The following FAM222B variants were observed in gnomAD, a reference collection of about 807,000 sequenced individuals.
FAM222B encodes protein FAM222B.
Under a neutral mutation model 38.0 loss-of-function variants are expected in FAM222B, and 12 were observed. The observed-to-expected ratio is 0.32, with a 90% confidence interval of 0.20 to 0.51. The LOEUF (loss-of-function observed/expected upper bound fraction) is 0.51, where lower values mean the gene tolerates loss of function less well. Among genes scored for constraint, FAM222B ranks in the 20% least tolerant of loss-of-function variants. The pLI is 0.97. For synonymous variants in FAM222B, 329 were observed against 317.2 expected, an observed-to-expected ratio of 1.04 and a Z score of -0.40; for missense variants, 716 against 754.2, an observed-to-expected ratio of 0.95 and a Z score of 0.59.
At chr17:28,778,719 A>T (rs369845219) in intron 1 of FAM222B, among the ~76,000 whole-genome samples, 310 of 25,514 alleles carry the variant, frequency 0.012, 9 homozygotes, top group Non-Finnish European at 0.013. Context: ...ATATATATAT[A>T]TTTTTTTTTT....
upstream of FAM222B, among the ~76,000 whole-genome samples, chr17:28,847,488 G>T (rs910486664): frequency 6.6e-6 from 1 of 151,936 alleles, no homozygotes; most frequent in African/African-American, 2.4e-5. Flanking sequence ...CACCTACTCC[G>T]GAGGCTAAGG....
At chr17:28,789,095 A>G (rs1244889979) in intron 1 of FAM222B, among the ~76,000 whole-genome samples, 1 of 151,184 alleles carries the variant, frequency 6.6e-6, no homozygotes, top group Non-Finnish European at 1.5e-5. Context: ...AAAAAAAAAA[A>G]AAAAAAAACT....
At chr17:28,804,401 C>T (rs1330869449) in intron 1 of FAM222B, among the ~76,000 whole-genome samples, 2 of 152,016 alleles carry the variant, frequency 1.3e-5, no homozygotes, top group African/African-American at 4.8e-5. Flanking sequence ...GTGGCGCGAT[C>T]TCGGCTCACC....
At chr17:28,802,167 G>A (rs1597965874) in intron 1 of FAM222B, among the ~76,000 whole-genome samples, 5 of 151,666 alleles carry the variant, frequency 3.3e-5, no homozygotes, top group Middle Eastern at 6.8e-3. Context: ...GTGCGATCTC[G>A]GCTTACTGCA....
intron 1 of FAM222B, among the ~76,000 whole-genome samples, chr17:28,820,115 A>G (rs2038158694): frequency 6.6e-6 from 1 of 152,230 alleles, no homozygotes; most frequent in Non-Finnish European, 1.5e-5. Flanking sequence ...ACTAAAAACA[A>G]TATATACGAT....
Position 28,801,466 on chromosome 17 carries a change from A to G in FAM222B, c.-40-34759T>C, listed in dbSNP as rs928646586. Reference sequence around the variant, plus strand: ...GACTCCGTCTCAAAAAAAAAAAAAAAAAAAGAAAAGAAAAAGTTCTGGGAG... The same window carrying G: ...GACTCCGTCTCAAAAAAAAAAAAAAGAAAAGAAAAGAAAAAGTTCTGGGAG... On this transcript the variant is annotated intron_variant, in intron 1 of 2. Transcript: ENST00000581407. Among the ~76,000 whole-genome samples, 200 of 151,770 alleles carry G rather than the reference A, an allele frequency of 1.3e-3. 1 individual carries two copies. Among genetic ancestry groups the G allele is most frequent in the African/African-American group, 4.3e-3 (178 of 41,450 alleles).
chr17:28,839,217 AATAATG>A (rs1372640810), intron 1 of FAM222B, among the ~76,000 whole-genome samples: 4 of 152,104 alleles, frequency 2.6e-5, no homozygotes, highest in Non-Finnish European at 4.4e-5. Flanking sequence ...AAAAAATAAT[AATAATG>A]ATAATAATAA....
chr17:28,764,915 C>T (rs996901872), intron 2 of FAM222B, among the ~76,000 whole-genome samples: 8 of 152,268 alleles, frequency 5.3e-5, no homozygotes, highest in African/African-American at 1.7e-4. Flanking sequence ...TGTCATCTTA[C>T]TGCATGCCTC....
At chr17:28,853,768 G>A (rs1394699152) in intron 1 of FAM222B, among the ~76,000 whole-genome samples, 1 of 151,866 alleles carries the variant, frequency 6.6e-6, no homozygotes, top group Non-Finnish European at 1.5e-5. Context: ...GCATGTGCCT[G>A]TAGTCCTAGC....
At chr17:28,764,567 G>GC (rs2035240942) in intron 2 of FAM222B, among the ~76,000 whole-genome samples, 1 of 151,998 alleles carries the variant, frequency 6.6e-6, no homozygotes. Context: ...TGACCAACAT[G>GC]AAGAAACCCT....
At chr17:28,825,807 G>A (rs1037170799) in intron 1 of FAM222B, among the ~76,000 whole-genome samples, 4 of 152,118 alleles carry the variant, frequency 2.6e-5, no homozygotes, top group South Asian at 2.1e-4. Context: ...ATGGAGTCTC[G>A]CTCTGTCTCG....
upstream of FAM222B, among the ~76,000 whole-genome samples, chr17:28,844,976 A>C (rs2152635244): frequency 6.7e-6 from 1 of 149,566 alleles, no homozygotes; most frequent in East Asian, 2.0e-4. Context: ...GGTGGCATGC[A>C]CCTGTAGTCC....
At chr17:28,845,056 C>G (rs573243303), upstream of FAM222B, among the ~76,000 whole-genome samples, 3 of 151,404 alleles carry the variant, frequency 2.0e-5, no homozygotes, top group African/African-American at 4.9e-5. Flanking sequence ...GAGCCGAGAT[C>G]GCACCACTGC....
At position 28,758,872 on chromosome 17, in the gene FAM222B, C is replaced by T. The variant is rs1430823257; in HGVS notation, c.1087G>A (p.Val363Ile). The change falls in exon 3 of 3, where the codon GTC becomes ATC. Residue 363 changes from valine (V) to isoleucine (I), a missense_variant. By Grantham distance (29) the Val-to-Ile change is conservative (BLOSUM62 3). Coordinates refer to ENST00000581407, the MANE Select transcript of FAM222B (RefSeq NM_001077498.3). ...PTGYPSDLKP[V>I]TWNQHQLAHL... ...GCCAGCTGGTGCTGGTTCCAGGTGA[C>T]TGGCTTGAGGTCGCTAGGGTAGCCA... The T allele has an allele frequency of 1.9e-6, 3 of 1,607,304 alleles. No individual in the cohort carries two copies. The highest frequency in any genetic ancestry group is 2.5e-6 in the Non-Finnish European group (3 of 1,177,514).
rs61492022 is a variant in FAM222B at position 28,802,007 on chromosome 17, C to CA, written c.-40-35301dup. Among the ~76,000 whole-genome samples the CA allele has an allele frequency of 3.3e-3, 365 of 109,232 alleles. 2 individuals carry two copies. Among genetic ancestry groups the CA allele is most frequent in the African/African-American group, 7.1e-3 (202 of 28,412 alleles). The allele number at this position is 109,232 out of a possible 152,430, so 71.7% of individuals were successfully genotyped here. A position where few individuals can be genotyped will look rare whatever the true frequency, so the allele number is the denominator to read the frequency against. ...ATCCTCAAAAACACTTTGCTGAATG[C>CA]AAAAAAAAAAAAAGAAAAAAAGAAA... On this transcript the variant is annotated intron_variant, in intron 1 of 2. Transcript: ENST00000581407.
intron 1 of FAM222B, among the ~76,000 whole-genome samples, chr17:28,807,364 G>A (rs2037542255): frequency 1.3e-5 from 2 of 151,584 alleles, no homozygotes; most frequent in African/African-American, 2.4e-5. Flanking sequence ...AGAAACGCTT[G>A]TTTTTGTGTG....
chr17:28,829,781 A>G (rs1470290944), intron 1 of FAM222B, among the ~76,000 whole-genome samples: 2 of 152,136 alleles, frequency 1.3e-5, no homozygotes, highest in African/African-American at 4.8e-5. Flanking sequence ...GTAAACAGTC[A>G]CATACAAGTT....
intron 1 of FAM222B, among the ~76,000 whole-genome samples, chr17:28,791,989 T>G (rs929157434): frequency 1.3e-5 from 2 of 150,634 alleles, no homozygotes; most frequent in Admixed American, 6.6e-5. Flanking sequence ...CCACCCTGGA[T>G]AGCAAAGTGA....
At chr17:28,833,412 T>A (rs1567900640) in intron 1 of FAM222B, among the ~76,000 whole-genome samples, 1 of 150,940 alleles carries the variant, frequency 6.6e-6, no homozygotes, top group Non-Finnish European at 1.5e-5. Flanking sequence ...AGGTCAGGAG[T>A]TCGAGACTAC....
Sources: allele counts gnomAD v4.1 joint callset (sites outside exome capture counted in the v4.1 genomes callset), GRCh38; gene constraint gnomAD v4.1.1; transcripts MANE v1.5; gene names NCBI Gene and HGNC (gene_info 2026-07-23, HGNC 2026-07-21).